SNTG2: variants seen among roughly 807,000 people sequenced by gnomAD.
The protein encoded by SNTG2 is gamma-2-syntrophin.
SNTG2 carries 74 observed loss-of-function variants against 70.9 expected under a neutral mutation model. The observed-to-expected ratio is 1.04, with a 90% confidence interval of 0.86 to 1.27. The LOEUF is 1.27. Ranked by LOEUF, SNTG2 falls within the 50% of genes most tolerant of loss-of-function variation. SNTG2 has a pLI of 0.00. For synonymous variants in SNTG2, 278 were observed against 273.8 expected, an observed-to-expected ratio of 1.02 and a Z score of -0.15; for missense variants, 717 against 690.7, an observed-to-expected ratio of 1.04 and a Z score of -0.43.
At chr2:1,300,081 T>C (rs1341448744) in intron 14 of SNTG2, among the ~76,000 whole-genome samples, 2 of 150,436 alleles carry the variant, frequency 1.3e-5, no homozygotes, top group African/African-American at 4.9e-5. Context: ...GTGCCTTAAA[T>C]GAGGGCACTA....
chr2:1,119,802 AT>A (rs1667269500), intron 4 of SNTG2, among the ~76,000 whole-genome samples: 1 of 152,166 alleles, frequency 6.6e-6, no homozygotes, highest in African/African-American at 2.4e-5. Flanking sequence ...AGAGAATGGC[AT>A]TGCTCATTTC....
In SNTG2 at chr2:1,091,604, C is replaced by T. The variant is rs1012439319; in HGVS notation, c.211-6592C>T. On this transcript the variant is annotated intron_variant, in intron 2 of 16. Transcript: ENST00000308624. ...TACGGGGCCGCTCCCCCATGAAGCC[C>T]GCCAAGGGCAGCTTTTGTCATTCCT... Among the ~76,000 whole-genome samples the T allele has an allele frequency of 5.3e-5, 8 of 152,282 alleles. No individual in the cohort carries two copies. The East Asian group carries it at 9.7e-4, about 18-fold the overall frequency.
chr2:1,367,323 G>A lies in SNTG2; in HGVS notation c.1489-20G>A. The A allele has an allele frequency of 6.6e-7, 1 of 1,521,350 alleles. No individual in the cohort carries two copies. Among genetic ancestry groups the A allele is most frequent in the Non-Finnish European group, 8.8e-7 (1 of 1,132,892 alleles). 94.2% of individuals were successfully genotyped at this position (1,521,350 alleles called of 1,614,324 possible). On this transcript the variant is annotated intron_variant, in intron 16 of 16. Coordinates refer to ENST00000308624, the MANE Select transcript of SNTG2 (RefSeq NM_018968.4). ...CTTCCAACAATTATAATAAACACTTGATCTGATTTTCTCCTCCAGGAACTC... is the reference window on the plus strand; with the variant it reads ...CTTCCAACAATTATAATAAACACTTAATCTGATTTTCTCCTCCAGGAACTC...
At chr2:1,174,915 T>C (rs1671369344) in intron 8 of SNTG2, among the ~76,000 whole-genome samples, 1 of 152,242 alleles carries the variant, frequency 6.6e-6, no homozygotes, top group African/African-American at 2.4e-5. Flanking sequence ...TAATATACAC[T>C]TGGTAATAAT....
chr2:1,222,069 CTCTG>C (rs1675146472), intron 9 of SNTG2, among the ~76,000 whole-genome samples: 7 of 28,674 alleles, frequency 2.4e-4, no homozygotes, highest in South Asian at 7.8e-4. Flanking sequence ...CTCTGTTTCT[CTCTG>C]TCTCTGTCTC....
intron 16 of SNTG2, among the ~76,000 whole-genome samples, chr2:1,327,858 C>T (rs1681820373): frequency 6.6e-6 from 1 of 152,146 alleles, no homozygotes; most frequent in Non-Finnish European, 1.5e-5. Context: ...TAGTTTAGTA[C>T]TGTATTAGTC....
intron 1 of SNTG2, among the ~76,000 whole-genome samples, chr2:968,030 T>TTA (rs1660626912): frequency 6.9e-6 from 1 of 145,442 alleles, no homozygotes; most frequent in South Asian, 2.2e-4. Flanking sequence ...GTCTCAAAAT[T>TTA]AAAAAAAAAA....
At chr2:1,093,310 G>T (rs1665158523) in intron 2 of SNTG2, among the ~76,000 whole-genome samples, 1 of 152,140 alleles carries the variant, frequency 6.6e-6, no homozygotes, top group Non-Finnish European at 1.5e-5. Context: ...CTAGATATCA[G>T]CTAACAGAGC....
chr2:1,249,413 T>C (rs1677630197), intron 12 of SNTG2, among the ~76,000 whole-genome samples: 1 of 152,204 alleles, frequency 6.6e-6, no homozygotes, highest in Non-Finnish European at 1.5e-5. Flanking sequence ...TTTTGGATAA[T>C]TTATTTAAAA....
In SNTG2 at chr2:1,016,520, C is replaced by T. The variant is rs561648616; in HGVS notation, c.72+65452C>T. 2.0e-5 allele frequency among the ~76,000 whole-genome samples: 3 copies of T among 151,294 alleles called. No individual in the cohort carries two copies. In the East Asian group the frequency reaches 5.8e-4, roughly 29 times the overall value. On this transcript the variant is annotated intron_variant, in intron 1 of 16. Transcript: ENST00000308624. Reference sequence around the variant, plus strand: ...CCTCCCAAAGTGCAGGGATTACAGGCGTGAGCCACCACGCCCGGCCGACAA... The same window carrying T: ...CCTCCCAAAGTGCAGGGATTACAGGTGTGAGCCACCACGCCCGGCCGACAA...
intron 2 of SNTG2, among the ~76,000 whole-genome samples, chr2:1,089,752 A>G (rs956663831): frequency 1.3e-5 from 2 of 152,278 alleles, no homozygotes; most frequent in African/African-American, 4.8e-5. Context: ...AATAACTAAA[A>G]TCTAACAGCA....
intron 1 of SNTG2, 58 bp from the exon 2 acceptor site, chr2:1,083,460 C>G (rs546249278): frequency 6.3e-7 from 1 of 1,599,076 alleles, no homozygotes. Context: ...GTCACCTATC[C>G]CCACCCCTGG....
Position 1,259,430 on chromosome 2 carries a change from A to T in SNTG2, c.1066A>T (p.Lys356Ter), listed in dbSNP as rs1387285420. 1 of 1,613,730 alleles carries T rather than the reference A, an allele frequency of 6.2e-7. No homozygotes were observed. Among genetic ancestry groups the T allele is most frequent in the African/African-American group, 1.3e-5 (1 of 74,942 alleles). ...CTATCACCTCTGTGAGGTGCTATTTAAAGTTCACAAGGTAGGTATCTTTTG... is the reference window on the plus strand; with the variant it reads ...CTATCACCTCTGTGAGGTGCTATTTTAAGTTCACAAGGTAGGTATCTTTTG... Reference protein sequence around the residue: ...RTYHLCEVLFKVHKFWLTEDC... With the variant: ...RTYHLCEVLF Residue 356 changes from lysine to a stop codon, truncating the protein, a stop_gained, in exon 13 of 17, where the codon AAA becomes TAA. Coordinates refer to ENST00000308624, the MANE Select transcript of SNTG2 (RefSeq NM_018968.4). LOFTEE classifies it high-confidence loss of function.
chr2:1,151,570 T>A (rs954009128), intron 6 of SNTG2, among the ~76,000 whole-genome samples: 1 of 152,190 alleles, frequency 6.6e-6, no homozygotes, highest in Non-Finnish European at 1.5e-5. Context: ...GCCCCTTGCT[T>A]GTGACCTCTG....
intron 4 of SNTG2, among the ~76,000 whole-genome samples, chr2:1,125,401 C>T (rs1229716136): frequency 6.6e-6 from 1 of 152,152 alleles, no homozygotes; most frequent in African/African-American, 2.4e-5. Context: ...CTCCTGTCCT[C>T]CTCTTGCTTC....
intron 1 of SNTG2, among the ~76,000 whole-genome samples, chr2:1,042,032 T>A (rs1055332315): frequency 1.3e-5 from 2 of 152,228 alleles, no homozygotes; most frequent in Non-Finnish European, 2.9e-5. Context: ...ACACCATTAT[T>A]TTATGTAACA....
At chr2:1,237,123 C>T (rs1456416531) in intron 9 of SNTG2, among the ~76,000 whole-genome samples, 3 of 151,452 alleles carry the variant, frequency 2.0e-5, no homozygotes, top group South Asian at 2.1e-4. Flanking sequence ...TTGTATTTTT[C>T]GTAGAGATGG....
At chr2:956,696 A>G (rs1660173341) in intron 1 of SNTG2, among the ~76,000 whole-genome samples, 1 of 152,224 alleles carries the variant, frequency 6.6e-6, no homozygotes, top group African/African-American at 2.4e-5. Context: ...TCAGAAGGAC[A>G]CAGCCCGGGG....
At chr2:1,071,418 G>A (rs1189949759) in intron 1 of SNTG2, among the ~76,000 whole-genome samples, 1 of 146,478 alleles carries the variant, frequency 6.8e-6, no homozygotes, top group Non-Finnish European at 1.5e-5. Context: ...ACCAAACACC[G>A]CATATTCTCG....
Sources: gnomAD v4.1 joint callset for allele counts (sites outside exome capture counted in the v4.1 genomes callset) on GRCh38, gnomAD v4.1.1 for gene constraint, MANE v1.5 for transcripts, NCBI Gene and HGNC (gene_info 2026-07-23, HGNC 2026-07-21) for gene names.